Variants in ZBTB16 observed in about 807,000 individuals in gnomAD.
ZBTB16 encodes zinc finger and BTB domain containing 16.
A neutral mutation model predicts 56.8 loss-of-function variants in ZBTB16; 8 were observed. That is an observed-to-expected ratio of 0.14 (90% CI 0.08 to 0.25). The LOEUF is 0.25. Ranked by LOEUF, ZBTB16 falls within the 10% of genes least tolerant of loss-of-function variation. The pLI is 1.00. For missense variants in ZBTB16, 625 were observed against 903.0 expected (o/e 0.69, Z 3.95); for synonymous variants, 363 against 368.5 (o/e 0.98, Z 0.17).
In ZBTB16 at chr11:114,242,354, G is replaced by T; in HGVS notation, c.1624+17G>T. ...CACATACAGGTAGGTCAGTCCAGCT[G>T]ATGGGTGGATCTGGGTCTCTGGGAG... On this transcript the variant is annotated intron_variant, in intron 5 of 6. Coordinates refer to ENST00000335953, the MANE Select transcript of ZBTB16 (RefSeq NM_006006.6). 6.2e-6 allele frequency: 10 copies of T among 1,612,290 alleles called. No homozygotes were observed. Among genetic ancestry groups the T allele is most frequent in the South Asian group, 1.1e-5 (1 of 91,014 alleles).
chr11:114,186,815 T>C (rs2135060092), intron 3 of ZBTB16, 137 bp from the exon 4 acceptor site: 1 of 788,202 alleles, frequency 1.3e-6, no homozygotes, highest in Admixed American at 2.0e-5. Flanking sequence ...GTCTGAGCCA[T>C]GGATGATCCC....
At chr11:114,102,421 G>A (rs1293489496) in intron 2 of ZBTB16, among the ~76,000 whole-genome samples, 3 of 152,060 alleles carry the variant, frequency 2.0e-5, no homozygotes, top group Non-Finnish European at 4.4e-5. Flanking sequence ...TTACTCTGGG[G>A]TTTTCAGGAG....
intron 2 of ZBTB16, among the ~76,000 whole-genome samples, chr11:114,135,739 A>G (rs1417004272): frequency 1.3e-5 from 2 of 152,206 alleles, no homozygotes; most frequent in Admixed American, 6.5e-5. Context: ...TTATGGCAAC[A>G]AAAGGGAACT....
chr11:114,156,144 T>G (rs1401495842), intron 2 of ZBTB16, among the ~76,000 whole-genome samples, 193 bp from the exon 3 acceptor site: 1 of 152,214 alleles, frequency 6.6e-6, no homozygotes, highest in Non-Finnish European at 1.5e-5. Context: ...GGTGCTTCAC[T>G]GGCTGCAGTC....
chr11:114,115,544 G>A (rs1351533124), intron 2 of ZBTB16, among the ~76,000 whole-genome samples: 1 of 151,968 alleles, frequency 6.6e-6, no homozygotes, highest in African/African-American at 2.4e-5. Context: ...AGAAGTTCCC[G>A]CGCTGTGCCT....
At chr11:114,146,979 A>T (rs1447987497) in intron 2 of ZBTB16, among the ~76,000 whole-genome samples, 1 of 152,216 alleles carries the variant, frequency 6.6e-6, no homozygotes, top group Non-Finnish European at 1.5e-5. Context: ...CTTCATTAAA[A>T]TGACAATAAT....
intron 3 of ZBTB16, among the ~76,000 whole-genome samples, chr11:114,166,767 G>A (rs1398048899): frequency 1.3e-5 from 2 of 152,106 alleles, no homozygotes; most frequent in African/African-American, 4.8e-5. Flanking sequence ...TGTGATGGAT[G>A]TGAACATTTC....
At chr11:114,068,609 A>C (rs999125274) in intron 2 of ZBTB16, among the ~76,000 whole-genome samples, 2 of 152,232 alleles carry the variant, frequency 1.3e-5, no homozygotes, top group Admixed American at 1.3e-4. Context: ...GGAAGATCTG[A>C]TAGATAAGCA....
intron 2 of ZBTB16, among the ~76,000 whole-genome samples, chr11:114,115,261 A>C: frequency 6.6e-6 from 1 of 151,694 alleles, no homozygotes; most frequent in East Asian, 1.9e-4. Flanking sequence ...GCATAGTTTA[A>C]AGTGTTTGGT....
At chr11:114,142,177 T>G (rs1256174556) in intron 2 of ZBTB16, among the ~76,000 whole-genome samples, 1 of 152,202 alleles carries the variant, frequency 6.6e-6, no homozygotes, top group Non-Finnish European at 1.5e-5. Flanking sequence ...TATTCAGGCT[T>G]GGCAGGTTCT....
At chr11:114,246,395 T>G (rs971847487) in intron 5 of ZBTB16, among the ~76,000 whole-genome samples, 6 of 152,340 alleles carry the variant, frequency 3.9e-5, no homozygotes, top group African/African-American at 1.2e-4. Context: ...AGCATCTCAT[T>G]TTTTTCTCAA....
At chr11:114,084,291 C>G (rs1484575325) in intron 2 of ZBTB16, among the ~76,000 whole-genome samples, 1 of 152,122 alleles carries the variant, frequency 6.6e-6, no homozygotes, top group Non-Finnish European at 1.5e-5. Context: ...CTGTAGGGGT[C>G]TGGCTTAGAG....
At chr11:114,234,573 A>C (rs1245747641) in intron 4 of ZBTB16, among the ~76,000 whole-genome samples, 1 of 152,214 alleles carries the variant, frequency 6.6e-6, no homozygotes, top group African/African-American at 2.4e-5. Flanking sequence ...ACTCATGCCC[A>C]AGAGGAAAAC....
intron 4 of ZBTB16, among the ~76,000 whole-genome samples, chr11:114,216,358 C>T (rs996167909): frequency 6.6e-6 from 1 of 152,212 alleles, no homozygotes; most frequent in African/African-American, 2.4e-5. Flanking sequence ...TGTGCTCAGA[C>T]TGGCTGGTGG....
rs1945019252 is a variant in ZBTB16 at position 114,256,483 on chromosome 11, A to C, written c.*5928A>C. ...AACTCCATCCACCTCTCCTGATACC[A>C]GGCCAGGTTCCTTTACTCCAGAGTT... On this transcript the variant is annotated 3_prime_UTR_variant, in exon 7 of 7. Transcript: ENST00000335953. Among the ~76,000 whole-genome samples, 1 of 152,200 alleles carries C rather than the reference A, an allele frequency of 6.6e-6. No homozygotes were observed. Among genetic ancestry groups the C allele is most frequent in the Non-Finnish European group, 1.5e-5 (1 of 68,026 alleles).
At chr11:114,156,459 C>A (rs372815069) in intron 3 of ZBTB16, 25 bp downstream of exon 3, 16 of 1,607,224 alleles carry the variant, frequency 1.0e-5, no homozygotes, top group Non-Finnish European at 1.4e-5. Context: ...CTTAGTGGCC[C>A]GTTCAGATAC....
chr11:114,233,707 A>G (rs991960455), intron 4 of ZBTB16, among the ~76,000 whole-genome samples: 4 of 148,014 alleles, frequency 2.7e-5, no homozygotes, highest in Non-Finnish European at 5.9e-5. Flanking sequence ...GGAGTGATTG[A>G]CAAAATTAGT....
chr11:114,181,877 C>T (rs1315042103), intron 3 of ZBTB16, among the ~76,000 whole-genome samples: 1 of 152,172 alleles, frequency 6.6e-6, no homozygotes, highest in Non-Finnish European at 1.5e-5. Context: ...CCATGTCACT[C>T]CATCCCGTGC....
chr11:114,171,638 C>T (rs570791916), intron 3 of ZBTB16, among the ~76,000 whole-genome samples: 3 of 152,328 alleles, frequency 2.0e-5, no homozygotes, highest in Admixed American at 6.5e-5. Context: ...ACCACAAGGC[C>T]GGCGTGGCTT....
Sources: allele counts gnomAD v4.1 joint callset (sites outside exome capture counted in the v4.1 genomes callset), GRCh38; gene constraint gnomAD v4.1.1; transcripts MANE v1.5; gene names NCBI Gene and HGNC (gene_info 2026-07-23, HGNC 2026-07-21).